The following FDFT1 variants were observed in gnomAD, a reference collection of about 807,000 sequenced individuals.
FDFT1 encodes squalene synthase.
In FDFT1, 68 loss-of-function variants were observed where a neutral mutation model predicts 46.8. The observed-to-expected ratio is 1.45, with a 90% confidence interval of 1.19 to 1.78. FDFT1 has a LOEUF of 1.78. Among genes scored for constraint, FDFT1 ranks in the 40% most tolerant of loss-of-function variants. The probability of loss-of-function intolerance (pLI) is 0.00; values close to 1 mark genes in which losing one functional copy is unlikely to be tolerated. For synonymous variants in FDFT1, 351 were observed against 185.1 expected, an observed-to-expected ratio of 1.90 and a Z score of -7.28; for missense variants, 928 against 524.4, an observed-to-expected ratio of 1.77 and a Z score of -7.52.
At chr8:11,812,949 C>T (rs1245340703) in intron 3 of FDFT1, among the ~76,000 whole-genome samples, 1 of 152,200 alleles carries the variant, frequency 6.6e-6, no homozygotes, top group Non-Finnish European at 1.5e-5. Context: ...TAGATGATTT[C>T]ATCATTCTGT....
intron 7 of FDFT1, among the ~76,000 whole-genome samples, chr8:11,834,121 A>T (rs1338978406): frequency 6.6e-6 from 1 of 152,106 alleles, no homozygotes; most frequent in African/African-American, 2.4e-5. Context: ...AGAAACGTTG[A>T]CTCTGTCCGA....
chr8:11,807,939 T>C (rs1807073108), intron 1 of FDFT1: 1 of 151,938 alleles, frequency 6.6e-6, no homozygotes, highest in Non-Finnish European at 1.5e-5. Flanking sequence ...CAAAGAAAAG[T>C]AGGAATTGAT....
chr8:11,828,382 A>G (rs968188148), intron 5 of FDFT1, among the ~76,000 whole-genome samples: 2 of 152,250 alleles, frequency 1.3e-5, no homozygotes, highest in African/African-American at 4.8e-5. Context: ...GTGTGCAGCC[A>G]GGGTTGAGAA....
chr8:11,834,649 G>A (rs547219045), intron 7 of FDFT1, among the ~76,000 whole-genome samples: 1 of 152,192 alleles, frequency 6.6e-6, no homozygotes, highest in African/African-American at 2.4e-5. Flanking sequence ...TTTAATGGAA[G>A]TTTAGATGTT....
At chr8:11,809,405 T>C (rs1420848625) in intron 2 of FDFT1, 89 of 1,212,246 alleles carry the variant, frequency 7.3e-5, no homozygotes, top group Non-Finnish European at 8.8e-5. Context: ...AGTTCTACAT[T>C]GGTTAAATGC....
chr8:11,817,747 C>T (rs1023722017), intron 3 of FDFT1, among the ~76,000 whole-genome samples: 2 of 151,682 alleles, frequency 1.3e-5, no homozygotes, highest in Non-Finnish European at 2.9e-5. Flanking sequence ...CTTTTTGATT[C>T]TTCTGTCTTT....
rs1205192190 is a variant in FDFT1 at position 11,831,912 on chromosome 8, C to A, written c.1032+242C>A. On this transcript the variant is annotated intron_variant, in intron 7 of 7. Coordinates refer to ENST00000220584, the MANE Select transcript of FDFT1 (RefSeq NM_004462.5). The stretch of plus-strand genomic sequence containing the variant: ...ATGGAGCAAGGCTGTAGGTTGGAGC[C>A]CCTCAGTAGAATCATAGATTTTGAG... The A allele has an allele frequency of 2.3e-5, 9 of 385,728 alleles. No homozygotes were observed. The East Asian group carries it at 4.1e-4, about 18-fold the overall frequency. The allele number at this position is 385,728 out of a possible 1,614,324, so 23.9% of individuals were successfully genotyped here. A position where few individuals can be genotyped will look rare whatever the true frequency, so the allele number is the denominator to read the frequency against.
At chr8:11,813,028 A>C (rs1029805294) in intron 3 of FDFT1, among the ~76,000 whole-genome samples, 1 of 144,832 alleles carries the variant, frequency 6.9e-6, no homozygotes, top group Non-Finnish European at 1.5e-5. Context: ...TCTGTGGTAC[A>C]GGCCATTGCT....
chr8:11,827,582 T>C (rs1236158426), intron 5 of FDFT1, among the ~76,000 whole-genome samples: 2 of 151,088 alleles, frequency 1.3e-5, no homozygotes, highest in African/African-American at 2.4e-5. Context: ...AGGGTTCATA[T>C]TCCTAATATT....
chr8:11,805,802 T>C (rs1310096964), intron 1 of FDFT1, among the ~76,000 whole-genome samples: 2 of 152,198 alleles, frequency 1.3e-5, no homozygotes, highest in Admixed American at 6.5e-5. Flanking sequence ...GTATATGCAT[T>C]TTATTGCCTA....
At chr8:11,831,071 C>A (rs1235500976) in intron 6 of FDFT1, among the ~76,000 whole-genome samples, 2 of 152,100 alleles carry the variant, frequency 1.3e-5, no homozygotes, top group Non-Finnish European at 2.9e-5. Context: ...AAATTAATCC[C>A]CTTCTGGTTG....
At chr8:11,814,548 T>C (rs1189032428) in intron 3 of FDFT1, among the ~76,000 whole-genome samples, 1 of 152,220 alleles carries the variant, frequency 6.6e-6, no homozygotes, top group Non-Finnish European at 1.5e-5. Flanking sequence ...TAGGCTCTCA[T>C]GTTTTAAGAC....
rs1380537479 is a variant in FDFT1, at chr8:11,826,084, G to C, written c.571G>C (p.Glu191Gln). 1.2e-6 allele frequency: 2 copies of C among 1,609,302 alleles called. No individual in the cohort carries two copies. The highest frequency in any genetic ancestry group is 2.2e-5 in the East Asian group (1 of 44,770). Residue 191 changes from glutamate to glutamine, a missense_variant, in exon 5 of 8, where the codon GAG (glutamate) becomes CAG (glutamine). By Grantham distance (29) the Glu-to-Gln change is conservative. Transcript: ENST00000220584. ...IGLSRLFSASEFEDPLVGEDT... is the reference protein window; with the variant it reads ...IGLSRLFSASQFEDPLVGEDT... Reference sequence around the variant, plus strand: ...CCTTTCCCGTCTTTTCTCAGCCTCAGAGTTTGAAGACCCCTTAGTTGGTGA... The same window carrying C: ...CCTTTCCCGTCTTTTCTCAGCCTCACAGTTTGAAGACCCCTTAGTTGGTGA...
At chr8:11,817,492 T>G (rs542659030) in intron 3 of FDFT1, among the ~76,000 whole-genome samples, 2 of 152,342 alleles carry the variant, frequency 1.3e-5, no homozygotes, top group East Asian at 3.9e-4. Flanking sequence ...ATCTGTCTGT[T>G]CCTGGACTTT....
At chr8:11,808,447 G>A in intron 1 of FDFT1, 6 of 1,269,664 alleles carry the variant, frequency 4.7e-6, no homozygotes, top group Non-Finnish European at 4.9e-6. Context: ...AGCCCGTCCC[G>A]CCCCTCGTCG....
At chr8:11,813,990 C>T (rs1010012038) in intron 3 of FDFT1, among the ~76,000 whole-genome samples, 3 of 152,116 alleles carry the variant, frequency 2.0e-5, no homozygotes, top group African/African-American at 7.2e-5. Context: ...TAGAACTGTA[C>T]AATTACGTAA....
At chr8:11,815,523 C>T (rs1326548551) in intron 3 of FDFT1, among the ~76,000 whole-genome samples, 1 of 152,208 alleles carries the variant, frequency 6.6e-6, no homozygotes, top group Non-Finnish European at 1.5e-5. Context: ...ACATCCTCTC[C>T]AGCATCTGTT....
chr8:11,809,305 T>A, intron 2 of FDFT1: 1 of 1,094,940 alleles, frequency 9.1e-7, no homozygotes, highest in Non-Finnish European at 1.1e-6. Flanking sequence ...TATGATCGTA[T>A]TTATACTGAG....
rs146977984 is a variant in FDFT1 at position 11,831,520 on chromosome 8, G to A, written c.882G>A (p.Val294=). The A allele has an allele frequency of 2.4e-5, 38 of 1,613,944 alleles. No individual in the cohort carries two copies. In the African/African-American group the frequency reaches 4.5e-4, roughly 19 times the overall value. ...SVFNFCAIPQ[V]MAIATLAACY... is the part of the protein sequence containing the mutation. ...CCCTCTCTTCTTGTTGTCTCTAGGT[G>A]ATGGCCATTGCCACTTTGGCTGCCT... The change falls in exon 7 of 8, where the codon GTG becomes GTA. Residue 294 remains valine (V), a splice_region_variant and synonymous_variant. Transcript: ENST00000220584.
Sources: allele counts gnomAD v4.1 joint callset (sites outside exome capture counted in the v4.1 genomes callset), GRCh38; gene constraint gnomAD v4.1.1; transcripts MANE v1.5; gene names NCBI Gene and HGNC (gene_info 2026-07-23, HGNC 2026-07-21).